TDP1: variants seen among roughly 807,000 people sequenced by gnomAD.
TDP1 encodes tyrosyl-DNA phosphodiesterase 1.
TDP1 carries 64 observed loss-of-function variants against 81.5 expected under a neutral mutation model. That is an observed-to-expected ratio of 0.79 (90% CI 0.64 to 0.97). The LOEUF is 0.97. Among genes scored for constraint, TDP1 ranks in the 50% least tolerant of loss-of-function variants. The pLI, the probability that TDP1 is intolerant of heterozygous loss-of-function variation, is 0.00. For synonymous variants in TDP1, 256 were observed against 264.3 expected (o/e 0.97, Z 0.30); for missense variants, 723 against 743.8 (o/e 0.97, Z 0.33).
intron 12 of TDP1, among the ~76,000 whole-genome samples, chr14:89,991,010 G>A (rs1191295034): frequency 6.6e-6 from 1 of 152,074 alleles, no homozygotes; most frequent in Non-Finnish European, 1.5e-5. Context: ...TTTACTGAAC[G>A]TTTTGTTTTT....
intron 2 of TDP1, among the ~76,000 whole-genome samples, chr14:89,959,212 A>G (rs1391405614): frequency 6.6e-6 from 1 of 152,222 alleles, no homozygotes; most frequent in Non-Finnish European, 1.5e-5. Flanking sequence ...ACCACTTACA[A>G]AAAGTGTGAC....
At position 89,991,892 on chromosome 14, in the gene TDP1, T is replaced by C. The variant is rs1596575266; in HGVS notation, c.1367-25T>C. 1.1e-5 allele frequency: 18 copies of C among 1,594,772 alleles called. No homozygotes were observed. In the East Asian group the frequency reaches 4.0e-4, roughly 36 times the overall value. Reference sequence around the variant, plus strand: ...TCCTCAAATTATATTTCATAATTTTTATTGTTTTATTTTTCTTTTAAAAGC... The same window carrying C: ...TCCTCAAATTATATTTCATAATTTTCATTGTTTTATTTTTCTTTTAAAAGC... On this transcript the variant is annotated intron_variant, in intron 12 of 16. Transcript: ENST00000335725.
At position 89,988,956 on chromosome 14, in the gene TDP1, G is replaced by C; in HGVS notation, c.1183G>C (p.Val395Leu). ...GCCTAACGCAGAGTCCTGGCCTGTC[G>C]TAGGTCAGTTTTCAAGCGTTGGCTC... ...SMPNAESWPV[V>L]GQFSSVGSLG... The change falls in exon 11 of 17, where the codon GTA (valine) becomes CTA (leucine). Residue 395 changes from valine to leucine, a missense_variant. Physicochemically the swap from Val to Leu is conservative, Grantham distance 32. Transcript: ENST00000335725. The C allele has an allele frequency of 6.2e-7, 1 of 1,614,170 alleles. No homozygotes were observed. The highest frequency in any genetic ancestry group is 1.1e-5 in the South Asian group (1 of 91,090).
chr14:89,966,106 T>G (rs374944104), intron 3 of TDP1, 41 bp from the exon 4 acceptor site: 1 of 1,390,044 alleles, frequency 7.2e-7, no homozygotes, highest in Non-Finnish European at 1.0e-6. Flanking sequence ...GACTAGAGGA[T>G]TTTTGTGAGT....
At chr14:90,023,090 T>A (rs1323597237) in intron 15 of TDP1, 2 of 762,030 alleles carry the variant, frequency 2.6e-6, no homozygotes, top group South Asian at 2.7e-5. Flanking sequence ...AACGCATGGA[T>A]AAGCTGAGGA....
At chr14:90,040,520 C>G (rs1157908636) in intron 16 of TDP1, among the ~76,000 whole-genome samples, 1 of 152,214 alleles carries the variant, frequency 6.6e-6, no homozygotes, top group African/African-American at 2.4e-5. Context: ...ACCTCTGTGG[C>G]ATGCCTGCTT....
In TDP1 at chr14:90,039,802, G is replaced by A. The variant is rs527632590; in HGVS notation, c.1754-3268G>A. ...TTCATTAAGTACTTTTGTGTACTAG[G>A]AACTCATATGAGCACTTGACATGAA... is the stretch of plus-strand genomic sequence containing the variant. On this transcript the variant is annotated intron_variant, in intron 16 of 16. Transcript: ENST00000335725. Among the ~76,000 whole-genome samples, 4 of 152,216 alleles carry A rather than the reference G, an allele frequency of 2.6e-5. No homozygotes were observed. In the South Asian group the frequency reaches 8.3e-4, roughly 32 times the overall value.
intron 10 of TDP1, 189 bp from the exon 11 acceptor site, chr14:89,988,716 T>C: frequency 1.0e-6 from 1 of 981,238 alleles, no homozygotes. Context: ...ATTAAAAATA[T>C]GTTTTTAGTA....
intron 7 of TDP1, 37 bp from the exon 8 acceptor site, chr14:89,980,503 A>T (rs1161482133): frequency 1.9e-6 from 3 of 1,574,262 alleles, no homozygotes; most frequent in Non-Finnish European, 2.6e-6. Context: ...TTTTGAAAGT[A>T]CTATTAATGC....
intron 15 of TDP1, among the ~76,000 whole-genome samples, chr14:90,030,603 G>A (rs571191190): frequency 9.2e-5 from 14 of 152,288 alleles, no homozygotes; most frequent in Admixed American, 2.6e-4. Flanking sequence ...CACACAGGTT[G>A]TGCCATTTGC....
intron 14 of TDP1, among the ~76,000 whole-genome samples, chr14:89,998,422 A>G (rs1445540672): frequency 5.3e-5 from 5 of 93,868 alleles, no homozygotes; most frequent in Admixed American, 1.1e-4. Context: ...ATATATATAT[A>G]TGTATGTATG....
chr14:90,038,620 T>C (rs1314495640), intron 16 of TDP1, among the ~76,000 whole-genome samples: 3 of 152,152 alleles, frequency 2.0e-5, no homozygotes, highest in African/African-American at 7.2e-5. Context: ...GGCAGATCAC[T>C]TGAGGTCAGG....
intron 6 of TDP1, chr14:89,975,371 T>C: frequency 3.0e-6 from 3 of 984,666 alleles, no homozygotes; most frequent in Non-Finnish European, 3.6e-6. Context: ...CCACCGCACC[T>C]GGCCTTCAGT....
chr14:90,032,779 T>G, intron 15 of TDP1: 4 of 985,180 alleles, frequency 4.1e-6, no homozygotes, highest in Non-Finnish European at 4.8e-6. Flanking sequence ...TTCTACAAAC[T>G]CCCTGCAAAC....
intron 3 of TDP1, among the ~76,000 whole-genome samples, chr14:89,964,106 A>G (rs1566844977): frequency 6.6e-6 from 1 of 152,156 alleles, no homozygotes. Context: ...TGAGGGTGAG[A>G]TCCTGCAGTC....
chr14:89,979,643 C>A (rs1489765626), intron 7 of TDP1, among the ~76,000 whole-genome samples: 11 of 152,076 alleles, frequency 7.2e-5, no homozygotes, highest in African/African-American at 2.7e-4. Flanking sequence ...TCACAATAGT[C>A]CTGAAGTGGG....
intron 3 of TDP1, among the ~76,000 whole-genome samples, chr14:89,964,295 C>T (rs1220174879): frequency 6.6e-6 from 1 of 152,212 alleles, no homozygotes; most frequent in Non-Finnish European, 1.5e-5. Flanking sequence ...CTCCTTATTC[C>T]TCAGGGAGCA....
chr14:90,018,223 C>T (rs1438664574), intron 14 of TDP1, among the ~76,000 whole-genome samples: 1 of 152,126 alleles, frequency 6.6e-6, no homozygotes, highest in East Asian at 1.9e-4. Context: ...AAGTCAGGCT[C>T]TAAAGAGTTT....
intron 10 of TDP1, among the ~76,000 whole-genome samples, chr14:89,986,628 T>G (rs1018147290): frequency 6.6e-6 from 1 of 152,218 alleles, no homozygotes; most frequent in Non-Finnish European, 1.5e-5. Flanking sequence ...GGCCGGTGAT[T>G]AGGTGCCTGT....
Sources: gnomAD v4.1 joint callset for allele counts (sites outside exome capture counted in the v4.1 genomes callset) on GRCh38, gnomAD v4.1.1 for gene constraint, MANE v1.5 for transcripts, NCBI Gene and HGNC (gene_info 2026-07-23, HGNC 2026-07-21) for gene names.